The following SI variants were observed in gnomAD, a reference collection of about 807,000 sequenced individuals.
SI encodes the protein sucrase-isomaltase.
In SI, 235 loss-of-function variants were observed where a neutral mutation model predicts 253.3. That is an observed-to-expected ratio of 0.93 (90% CI 0.83 to 1.03). The LOEUF is 1.03. Ranked by LOEUF, SI falls within the 50% of genes least tolerant of loss-of-function variation. SI has a pLI of 0.00. For missense variants in SI, 2,442 were observed against 2,211.1 expected (o/e 1.10, Z -2.09); for synonymous variants, 819 against 712.0 (o/e 1.15, Z -2.39).
At chr3:165,028,767 T>A (rs542522967) in intron 25 of SI, among the ~76,000 whole-genome samples, 1 of 151,510 alleles carries the variant, frequency 6.6e-6, no homozygotes, top group African/African-American at 2.4e-5. Context: ...TTCTCATCTC[T>A]CACCTTACAC....
intron 16 of SI, among the ~76,000 whole-genome samples, chr3:165,045,937 G>T (rs574935992): frequency 1.2e-4 from 18 of 148,664 alleles, no homozygotes; most frequent in Admixed American, 4.7e-4. Flanking sequence ...AGGTTCAAAC[G>T]ATTCTCCTGC....
intron 38 of SI, among the ~76,000 whole-genome samples, chr3:164,997,599 C>T (rs1037724866): frequency 2.0e-5 from 3 of 151,640 alleles, no homozygotes; most frequent in African/African-American, 7.3e-5. Flanking sequence ...AGATAATAAG[C>T]ATAGTACTTG....
intron 13 of SI, among the ~76,000 whole-genome samples, chr3:165,054,693 C>T (rs1320637844): frequency 6.6e-6 from 1 of 152,036 alleles, no homozygotes; most frequent in Non-Finnish European, 1.5e-5. Context: ...AACTAGGATT[C>T]TGTTTGTTGC....
intron 26 of SI, among the ~76,000 whole-genome samples, chr3:165,022,246 A>G (rs996339276): frequency 2.6e-5 from 4 of 151,362 alleles, no homozygotes; most frequent in African/African-American, 9.7e-5. Flanking sequence ...TGATGTGAAA[A>G]CATATTTTAT....
At chr3:164,989,065 C>T (rs1484883181) in intron 44 of SI, among the ~76,000 whole-genome samples, 3 of 150,146 alleles carry the variant, frequency 2.0e-5, no homozygotes, top group Non-Finnish European at 4.4e-5. Context: ...TGCACATGTA[C>T]CCTAAAACTT....
rs1404585595 is a variant in SI, at chr3:165,062,391, C to G, written c.1000G>C (p.Val334Leu). 6.3e-7 allele frequency: 1 copy of G among 1,578,408 alleles called. No homozygotes were observed. The highest frequency in any genetic ancestry group is 1.1e-5 in the South Asian group (1 of 90,384). The change falls in exon 9 of 48, where the codon GTA (valine) becomes CTA (leucine). Residue 334 changes from valine to leucine, a missense_variant. Physicochemically the swap from Val to Leu is conservative, Grantham distance 32. Coordinates refer to ENST00000264382, the MANE Select transcript of SI (RefSeq NM_001041.4). Reference protein sequence around the residue: ...YILLGDTPEQVVQQYQQLVGL... With the variant: ...YILLGDTPEQLVQQYQQLVGL... ...CACACCTGTTGATACTGTTGAACTACTTGTTCTGGTGTATCTCCTAGAAGG... is the reference window on the plus strand; with the variant it reads ...CACACCTGTTGATACTGTTGAACTAGTTGTTCTGGTGTATCTCCTAGAAGG...
Position 165,046,916 on chromosome 3 carries a change from G to A in SI, c.1812C>T (p.Asp604=), listed in dbSNP as rs1336764474. Reference sequence around the variant, plus strand: ...CCATTTGTTCCCATGAAGCAGTATTGTCTCCTAACCAATGCGCAGCATGTC... The same window carrying A: ...CCATTTGTTCCCATGAAGCAGTATTATCTCCTAACCAATGCGCAGCATGTC... ...SGRHAAHWLG[D]NTASWEQMEW... is the part of the protein sequence containing the mutation. The change falls in exon 16 of 48, where the codon GAC becomes GAT. Residue 604 remains aspartate (D), a synonymous_variant. Transcript: ENST00000264382. 2 of 1,612,930 alleles carry A rather than the reference G, an allele frequency of 1.2e-6. No individual in the cohort carries two copies. Among genetic ancestry groups the A allele is most frequent in the Admixed American group, 1.7e-5 (1 of 59,918 alleles).
At chr3:165,017,473 GTA>G in intron 31 of SI, 73 bp downstream of exon 31, 1 of 1,423,224 alleles carries the variant, frequency 7.0e-7, no homozygotes, top group East Asian at 2.4e-5. Flanking sequence ...TTAAATTAAA[GTA>G]TACATGTTTA....
chr3:165,065,463 TAATATATATATATATA>T, intron 6 of SI, 31 bp from the exon 7 acceptor site: 1 of 376,074 alleles, frequency 2.7e-6, no homozygotes, highest in Non-Finnish European at 4.0e-6. Flanking sequence ...AGAAATAATC[TAATATATATATATATA>T]TATATATATA....
intron 12 of SI, among the ~76,000 whole-genome samples, chr3:165,058,531 A>T (rs2108247248): frequency 6.6e-6 from 1 of 152,070 alleles, no homozygotes; most frequent in African/African-American, 2.4e-5. Flanking sequence ...ACTAACCTTT[A>T]GCTAGACTAA....
chr3:164,989,987 A>AGTG (rs752264711), intron 44 of SI, among the ~76,000 whole-genome samples: 22 of 152,172 alleles, frequency 1.4e-4, no homozygotes, highest in Non-Finnish European at 7.4e-5. Flanking sequence ...AAAGGACACC[A>AGTG]GTGGTGGATG....
Position 164,998,574 on chromosome 3 carries a change from A to G in SI, c.4506T>C (p.Tyr1502=). 2.5e-6 allele frequency: 4 copies of G among 1,612,294 alleles called. No individual in the cohort carries two copies. The highest frequency in any genetic ancestry group is 2.5e-6 in the Non-Finnish European group (3 of 1,178,738). Residue 1502 remains tyrosine, a synonymous_variant, in exon 38 of 48, where the codon TAT becomes TAC. Transcript: ENST00000264382. ...ATTTGTCCATGTTGTCCCATCGTGCATAGTTGTCTCCAAGCCAGTGTCCTC... is the reference window on the plus strand; with the variant it reads ...ATTTGTCCATGTTGTCCCATCGTGCGTAGTTGTCTCCAAGCCAGTGTCCTC... ...RWGGHWLGDN[Y]ARWDNMDKSI...
Position 164,982,402 on chromosome 3 carries a change from T to C in SI, c.5256A>G (p.Leu1752=). 1 of 1,608,614 alleles carries C rather than the reference T, an allele frequency of 6.2e-7. No homozygotes were observed. The highest frequency in any genetic ancestry group is 8.5e-7 in the Non-Finnish European group (1 of 1,175,676). ...SVQFNLNQTT[L]TSTILKRGYI... is the part of the protein sequence containing the mutation. Reference sequence around the variant, plus strand: ...AACCTCTCTTCAATATAGTGCTTGTTAAGGTGGTCTATAAATAAAGAAAAA... The same window carrying C: ...AACCTCTCTTCAATATAGTGCTTGTCAAGGTGGTCTATAAATAAAGAAAAA... Residue 1752 remains leucine (L), a synonymous_variant, in exon 47 of 48, where the codon TTA becomes TTG. Coordinates refer to ENST00000264382, the MANE Select transcript of SI (RefSeq NM_001041.4).
chr3:165,067,157 T>A (rs1714286364), intron 6 of SI, among the ~76,000 whole-genome samples, 183 bp downstream of exon 6: 1 of 151,934 alleles, frequency 6.6e-6, no homozygotes, highest in Non-Finnish European at 1.5e-5. Context: ...AGATTCTAAT[T>A]TATGTTCCAG....
chr3:165,080,046 T>C (rs576998802), upstream of SI, among the ~76,000 whole-genome samples: 3 of 152,108 alleles, frequency 2.0e-5, no homozygotes, highest in South Asian at 4.1e-4. Context: ...AACAGCTTTA[T>C]TGATAATTTC....
chr3:165,051,450 G>A (rs943723002), intron 13 of SI, among the ~76,000 whole-genome samples: 1 of 151,882 alleles, frequency 6.6e-6, no homozygotes, highest in Non-Finnish European at 1.5e-5. Context: ...TTTTGAAATT[G>A]TCTGGAATGT....
chr3:165,012,807 C>T (rs558011796), intron 34 of SI, among the ~76,000 whole-genome samples, 173 bp downstream of exon 34: 13 of 152,110 alleles, frequency 8.5e-5, no homozygotes, highest in African/African-American at 3.1e-4. Flanking sequence ...GTGACTGGTA[C>T]TTTGTTATTT....
In SI at chr3:165,016,039, T is replaced by G. The variant is rs139689904; in HGVS notation, c.3801A>C (p.Leu1267=). 2.5e-6 allele frequency: 4 copies of G among 1,612,784 alleles called. No individual in the cohort carries two copies. ...YTDIDYMERQ[L]DFTIGEAFQD... ...GGAATGCTTCACCAATTGTAAAGTC[T>G]AGCTGCCTTTCCATGTAGTCAATGT... Residue 1267 remains leucine (L), a synonymous_variant, in exon 32 of 48, where the codon CTA becomes CTC. Coordinates refer to ENST00000264382, the MANE Select transcript of SI (RefSeq NM_001041.4).
At chr3:164,979,453 A>C (rs766540447) in intron 47 of SI, 23 bp from the exon 48 acceptor site, 1 of 1,312,034 alleles carries the variant, frequency 7.6e-7, no homozygotes, top group Admixed American at 1.7e-5. Context: ...AATAATAATT[A>C]GTTGTTTAAT....
Sources: allele counts gnomAD v4.1 joint callset (sites outside exome capture counted in the v4.1 genomes callset), GRCh38; gene constraint gnomAD v4.1.1; transcripts MANE v1.5; gene names NCBI Gene and HGNC (gene_info 2026-07-23, HGNC 2026-07-21).